ELMO1: variants seen among roughly 807,000 people sequenced by gnomAD.
ELMO1 encodes engulfment and cell motility protein 1.
A neutral mutation model predicts 98.9 loss-of-function variants in ELMO1; 26 were observed. That is an observed-to-expected ratio of 0.26 (90% CI 0.19 to 0.36). The LOEUF is 0.36. Ranked by LOEUF, ELMO1 falls within the 10% of genes least tolerant of loss-of-function variation. The pLI, the probability that ELMO1 is intolerant of heterozygous loss-of-function variation, is 1.00. For missense variants in ELMO1, 627 were observed against 935.2 expected, an observed-to-expected ratio of 0.67 and a Z score of 4.30; for synonymous variants, 346 against 346.0, an observed-to-expected ratio of 1.00 and a Z score of 0.00.
intron 1 of ELMO1, among the ~76,000 whole-genome samples, chr7:37,393,031 A>G (rs990020150): frequency 6.6e-6 from 1 of 152,148 alleles, no homozygotes; most frequent in Non-Finnish European, 1.5e-5. Context: ...TCCAAGGTCT[A>G]CCAAGACCAC....
intron 10 of ELMO1, among the ~76,000 whole-genome samples, chr7:37,218,368 CTT>C (rs1327640990): frequency 6.6e-6 from 1 of 152,128 alleles, no homozygotes; most frequent in Admixed American, 6.5e-5. Context: ...CAGAAACTGT[CTT>C]TTTCTTTTTT....
At chr7:37,186,885 G>A (rs371431840) in intron 13 of ELMO1, among the ~76,000 whole-genome samples, 7 of 152,262 alleles carry the variant, frequency 4.6e-5, no homozygotes, top group African/African-American at 1.7e-4. Context: ...CAAGCACTTT[G>A]GAAAAGTCTG....
At chr7:37,305,839 A>T (rs1376116386) in intron 4 of ELMO1, among the ~76,000 whole-genome samples, 4 of 152,266 alleles carry the variant, frequency 2.6e-5, no homozygotes, top group Non-Finnish European at 4.4e-5. Flanking sequence ...AACATAAATC[A>T]GCACAGAAAT....
chr7:37,323,492 G>C (rs937947406), intron 2 of ELMO1, among the ~76,000 whole-genome samples: 1 of 152,154 alleles, frequency 6.6e-6, no homozygotes, highest in African/African-American at 2.4e-5. Flanking sequence ...CAAGAGTTTT[G>C]AGACCAGGCT....
chr7:37,013,179 A>G, intron 16 of ELMO1, 120 bp downstream of exon 16: 2 of 1,265,424 alleles, frequency 1.6e-6, no homozygotes, highest in Non-Finnish European at 1.1e-6. Context: ...AGCAACTATC[A>G]TTGCAATCTT....
chr7:37,040,368 A>G (rs547993016), intron 15 of ELMO1, among the ~76,000 whole-genome samples: 85 of 152,228 alleles, frequency 5.6e-4, no homozygotes, highest in Non-Finnish European at 1.1e-3. Context: ...ATATTGTACA[A>G]ACAGTTCTTG....
At chr7:37,017,170 G>A (rs1793990213) in intron 15 of ELMO1, among the ~76,000 whole-genome samples, 1 of 152,232 alleles carries the variant, frequency 6.6e-6, no homozygotes, top group African/African-American at 2.4e-5. Context: ...CTGGGTCTGG[G>A]CAAAGCTGCA....
intron 1 of ELMO1, among the ~76,000 whole-genome samples, chr7:37,404,307 G>A (rs368749704): frequency 1.8e-4 from 28 of 151,890 alleles, no homozygotes; most frequent in African/African-American, 6.8e-4. Context: ...CCGTGTGGCA[G>A]GCCTCTCCCA....
chr7:36,893,952 G>GTGT (rs1455812625), intron 17 of ELMO1, among the ~76,000 whole-genome samples: 2 of 151,866 alleles, frequency 1.3e-5, no homozygotes, highest in East Asian at 4.0e-4. Flanking sequence ...AGGTGTGTGT[G>GTGT]GTGGGGGAGC....
intron 14 of ELMO1, among the ~76,000 whole-genome samples, chr7:37,125,939 C>T (rs886428942): frequency 3.3e-5 from 5 of 152,124 alleles, no homozygotes; most frequent in Non-Finnish European, 7.4e-5. Context: ...AAATGTGGCA[C>T]ATATACACCA....
chr7:37,277,012 G>A (rs1796874117), intron 4 of ELMO1, among the ~76,000 whole-genome samples: 1 of 152,222 alleles, frequency 6.6e-6, no homozygotes, highest in Non-Finnish European at 1.5e-5. Context: ...CATGAGAGCA[G>A]ATAGTTTATT....
chr7:36,982,700 A>AT (rs953704145), intron 16 of ELMO1, among the ~76,000 whole-genome samples: 8 of 152,156 alleles, frequency 5.3e-5, no homozygotes, highest in Non-Finnish European at 5.9e-5. Context: ...AATCTTGCTT[A>AT]TTTTTTTATG....
intron 13 of ELMO1, among the ~76,000 whole-genome samples, chr7:37,163,653 C>A (rs982617714): frequency 2.6e-5 from 4 of 152,162 alleles, no homozygotes; most frequent in African/African-American, 9.7e-5. Flanking sequence ...TCATCCATGT[C>A]CCTACAAAGG....
chr7:36,999,178 CA>C (rs1188532714), intron 16 of ELMO1, among the ~76,000 whole-genome samples: 2 of 152,098 alleles, frequency 1.3e-5, no homozygotes, highest in Non-Finnish European at 1.5e-5. Context: ...AGGTCACAGG[CA>C]GAGCTGGACT....
At chr7:37,044,128 C>T (rs1457712609) in intron 15 of ELMO1, among the ~76,000 whole-genome samples, 1 of 152,100 alleles carries the variant, frequency 6.6e-6, no homozygotes, top group African/African-American at 2.4e-5. Context: ...AAACAAAATA[C>T]AGCAAAAAGG....
chr7:36,965,863 T>C (rs1789382455), intron 16 of ELMO1, among the ~76,000 whole-genome samples: 1 of 152,186 alleles, frequency 6.6e-6, no homozygotes, highest in African/African-American at 2.4e-5. Context: ...GAAGCAAGCA[T>C]ACCTCCTCAC....
chr7:37,114,500 C>G (rs567250258), intron 14 of ELMO1, among the ~76,000 whole-genome samples: 51 of 152,230 alleles, frequency 3.4e-4, no homozygotes, highest in African/African-American at 1.2e-3. Context: ...ACTTTAGTCA[C>G]TGGGTTGCCT....
rs570271088 is a variant in ELMO1 at position 37,015,248 on chromosome 7, G to C, written c.1301-1813C>G. On this transcript the variant is annotated intron_variant, in intron 15 of 21. Coordinates refer to ENST00000310758, the MANE Select transcript of ELMO1 (RefSeq NM_014800.11). Reference sequence around the variant, plus strand: ...GACAGAAGATTTGGGTTCAAGTGCAGCCCAGGCCAATCCAGAGCAAGTCAT... The same window carrying C: ...GACAGAAGATTTGGGTTCAAGTGCACCCCAGGCCAATCCAGAGCAAGTCAT... 1.8e-4 allele frequency among the ~76,000 whole-genome samples: 28 copies of C among 152,204 alleles called. No individual in the cohort carries two copies. The South Asian group carries it at 5.8e-3, about 32-fold the overall frequency.
chr7:37,256,520 G>GAGGAAGGA (rs1249886100), intron 6 of ELMO1, among the ~76,000 whole-genome samples: 1 of 143,042 alleles, frequency 7.0e-6, no homozygotes, highest in East Asian at 2.1e-4. Context: ...GGAGGAGAAG[G>GAGGAAGGA]AGGAAGGAAG....
Sources: gnomAD v4.1 joint callset for allele counts (sites outside exome capture counted in the v4.1 genomes callset) on GRCh38, gnomAD v4.1.1 for gene constraint, MANE v1.5 for transcripts, NCBI Gene and HGNC (gene_info 2026-07-23, HGNC 2026-07-21) for gene names.